The following TTC39C variants were observed in gnomAD, a reference collection of about 807,000 sequenced individuals.
TTC39C encodes the protein tetratricopeptide repeat domain 39C, also known as tetratricopeptide repeat protein 39C.
A neutral mutation model predicts 76.3 loss-of-function variants in TTC39C; 33 were observed. That is an observed-to-expected ratio of 0.43 (90% CI 0.33 to 0.58). TTC39C has a LOEUF of 0.58. Among genes scored for constraint, TTC39C ranks in the 20% least tolerant of loss-of-function variants. The pLI is 0.04. For synonymous variants in TTC39C, 254 were observed against 260.6 expected (o/e 0.97, Z 0.24); for missense variants, 595 against 701.4 (o/e 0.85, Z 1.71).
At position 24,022,834 on chromosome 18, in the gene TTC39C, C is replaced by G. The variant is rs7241620; in HGVS notation, c.167+7796C>G. ...ATGCTAGTTGTGCTGGAATATTTTA[C>G]GTCATCCAGCCAGGTATATCTTGCT... On this transcript the variant is annotated intron_variant, in intron 1 of 13. Coordinates refer to ENST00000317571, the MANE Select transcript of TTC39C (RefSeq NM_001135993.2). The G allele has an allele frequency of 4.4e-4, 431 of 985,392 alleles. 1 individual carries two copies. The African/African-American group carries it at 7.1e-3, about 16-fold the overall frequency. The allele number at this position is 985,392 out of a possible 1,614,324, so 61.0% of individuals were successfully genotyped here.
chr18:24,016,315 A>G (rs1265061072), intron 1 of TTC39C, among the ~76,000 whole-genome samples: 2 of 152,178 alleles, frequency 1.3e-5, no homozygotes, highest in Admixed American at 6.5e-5. Context: ...AAGGCTGTTG[A>G]TGGGGGATTT....
intron 6 of TTC39C, among the ~76,000 whole-genome samples, chr18:24,092,213 A>T (rs1216980951): frequency 2.6e-5 from 4 of 152,064 alleles, no homozygotes; most frequent in Non-Finnish European, 5.9e-5. Flanking sequence ...AATCAAAACC[A>T]AGTAAGCTAC....
Position 24,075,695 on chromosome 18 carries a change from A to C in TTC39C, c.461-4890A>C, listed in dbSNP as rs796309083. Among the ~76,000 whole-genome samples the C allele has an allele frequency of 1.3e-4, 20 of 151,356 alleles. 1 individual carries two copies. The highest frequency in any genetic ancestry group is 3.4e-4 in the African/African-American group (14 of 41,334). On this transcript the variant is annotated intron_variant, in intron 4 of 13. Coordinates refer to ENST00000317571, the MANE Select transcript of TTC39C (RefSeq NM_001135993.2). ...GTGAGACCTTGTCTCAAAAAAAAAA[A>C]AAAAAAAACAAAAAAAAAACCTCTA...
At chr18:24,083,538 G>A (rs377682389) in intron 6 of TTC39C, among the ~76,000 whole-genome samples, 4 of 152,134 alleles carry the variant, frequency 2.6e-5, no homozygotes, top group African/African-American at 7.2e-5. Flanking sequence ...ATTTTCATGT[G>A]CTTAATTTGG....
At chr18:24,053,237 G>T (rs1254253023) in intron 1 of TTC39C, among the ~76,000 whole-genome samples, 1 of 152,204 alleles carries the variant, frequency 6.6e-6, no homozygotes, top group Non-Finnish European at 1.5e-5. Flanking sequence ...TGAGGGAATA[G>T]GTTGCTTTTC....
intron 1 of TTC39C, among the ~76,000 whole-genome samples, chr18:24,021,346 T>C (rs921713121): frequency 6.6e-6 from 1 of 152,102 alleles, no homozygotes; most frequent in African/African-American, 2.4e-5. Context: ...TTCTGTAACG[T>C]GGGTCCGTTT....
intron 1 of TTC39C, among the ~76,000 whole-genome samples, chr18:23,996,297 A>C (rs1015453814): frequency 1.3e-5 from 2 of 152,228 alleles, no homozygotes. Context: ...CAGTGCATCG[A>C]AAACTTCCCT....
chr18:24,062,766 G>T (rs9963746), intron 1 of TTC39C, among the ~76,000 whole-genome samples: 3 of 152,218 alleles, frequency 2.0e-5, no homozygotes, highest in Non-Finnish European at 4.4e-5. Context: ...CACACACACT[G>T]TCTTTCTCTG....
intron 1 of TTC39C, among the ~76,000 whole-genome samples, chr18:24,023,624 G>A (rs2083542031): frequency 6.6e-6 from 1 of 151,964 alleles, no homozygotes; most frequent in African/African-American, 2.4e-5. Context: ...CTAGGGGGTG[G>A]TGCTATGATA....
intron 6 of TTC39C, chr18:24,114,012 G>C (rs1446479981): frequency 1.8e-5 from 6 of 330,010 alleles, no homozygotes; most frequent in African/African-American, 1.3e-4. Context: ...ATGGTGAAGA[G>C]CTCACTGAGA....
At chr18:24,113,754 T>C in intron 6 of TTC39C, 1 of 696,250 alleles carries the variant, frequency 1.4e-6, no homozygotes, top group South Asian at 1.5e-5. Context: ...TCTTGGGTAC[T>C]TGTGGCATCG....
intron 4 of TTC39C, among the ~76,000 whole-genome samples, chr18:24,078,594 C>T (rs1197561754): frequency 6.6e-6 from 1 of 152,196 alleles, no homozygotes; most frequent in Admixed American, 6.5e-5. Flanking sequence ...GCACAAGCTT[C>T]CAAGGCTTTG....
rs1045583994 is a variant in TTC39C at position 24,113,633 on chromosome 18, G to A, written c.985-921G>A. ...TGCACCGTTCAGAATAAGCTGTCAGGTCGTCTGGCTGTTTAAGATTTATTT... is the reference window on the plus strand; with the variant it reads ...TGCACCGTTCAGAATAAGCTGTCAGATCGTCTGGCTGTTTAAGATTTATTT... On this transcript the variant is annotated intron_variant, in intron 6 of 13. Transcript: ENST00000317571. The A allele has an allele frequency of 7.1e-6, 5 of 702,350 alleles. No individual in the cohort carries two copies. The Admixed American group carries it at 1.0e-4, about 14-fold the overall frequency. The allele number at this position is 702,350 out of a possible 1,614,324, so 43.5% of individuals were successfully genotyped here. A position where few individuals can be genotyped will look rare whatever the true frequency, so the allele number is the denominator to read the frequency against.
chr18:24,049,162 T>C (rs2083920483), intron 1 of TTC39C, among the ~76,000 whole-genome samples: 1 of 152,230 alleles, frequency 6.6e-6, no homozygotes, highest in Non-Finnish European at 1.5e-5. Flanking sequence ...AGGAAATCAC[T>C]CAAAACATTT....
At chr18:24,099,349 G>C (rs935822282) in intron 6 of TTC39C, 4 of 151,584 alleles carry the variant, frequency 2.6e-5, no homozygotes, top group African/African-American at 9.7e-5. Flanking sequence ...GAGCACTCAG[G>C]GGTCTCTTTT....
chr18:24,004,322 T>A (rs567325947), intron 1 of TTC39C, among the ~76,000 whole-genome samples: 3 of 152,314 alleles, frequency 2.0e-5, no homozygotes, highest in Admixed American at 2.0e-4. Context: ...CTCTTTATCA[T>A]CTCACAGTAT....
Position 24,045,916 on chromosome 18 carries a change from TATATATATA to T in TTC39C, c.168-18223_168-18215del, listed in dbSNP as rs1342502600. ...AAATATATATATATATATATATATA[TATATATATA>T]TATTTTTTTTTTTTTTTTTTTTTTT... On this transcript the variant is annotated intron_variant, in intron 1 of 13. Transcript: ENST00000317571. Among the ~76,000 whole-genome samples the T allele has an allele frequency of 8.8e-3, 346 of 39,190 alleles. 14 individuals carry two copies. Among genetic ancestry groups the T allele is most frequent in the East Asian group, 0.05 (55 of 1,096 alleles). 25.7% of individuals were successfully genotyped at this position (39,190 alleles called of 152,430 possible).
chr18:24,082,007 T>A (rs1314372238), intron 5 of TTC39C, among the ~76,000 whole-genome samples: 1 of 150,496 alleles, frequency 6.6e-6, no homozygotes, highest in East Asian at 1.9e-4. Context: ...CATTTTTGTC[T>A]GGCTGTTGTT....
rs2084636901 is a variant in TTC39C at position 24,098,986 on chromosome 18, T to G, written c.985-15568T>G. ...TTCTAGTATATCCCACTGCTTTTAT[T>G]TGCTAATAAGTTAGAGGAATGTGTG... On this transcript the variant is annotated intron_variant, in intron 6 of 13. Coordinates refer to ENST00000317571, the MANE Select transcript of TTC39C (RefSeq NM_001135993.2). 2.0e-5 allele frequency among the ~76,000 whole-genome samples: 3 copies of G among 149,000 alleles called. No individual in the cohort carries two copies. The Admixed American group carries it at 2.0e-4, about 10-fold the overall frequency.
Sources: allele counts gnomAD v4.1 joint callset (sites outside exome capture counted in the v4.1 genomes callset), GRCh38; gene constraint gnomAD v4.1.1; transcripts MANE v1.5; gene names NCBI Gene and HGNC (gene_info 2026-07-23, HGNC 2026-07-21).